HS6ST3: variants seen among roughly 807,000 people sequenced by gnomAD.
The protein encoded by HS6ST3 is heparan sulfate 6-O-sulfotransferase 3, also known as heparan-sulfate 6-O-sulfotransferase 3.
In HS6ST3, 12 loss-of-function variants were observed where a neutral mutation model predicts 36.7. The ratio of observed to expected loss-of-function variants is 0.33; its 90% confidence interval spans 0.21 to 0.53. The LOEUF (loss-of-function observed/expected upper bound fraction) is 0.53, where lower values mean the gene tolerates loss of function less well. Ranked by LOEUF, HS6ST3 falls within the 20% of genes least tolerant of loss-of-function variation. HS6ST3 has a pLI of 0.95. For synonymous variants in HS6ST3, 240 were observed against 257.5 expected, an observed-to-expected ratio of 0.93 and a Z score of 0.65; for missense variants, 584 against 640.9, an observed-to-expected ratio of 0.91 and a Z score of 0.96.
intron 1 of HS6ST3, among the ~76,000 whole-genome samples, chr13:96,444,621 A>C (rs892571383): frequency 8.5e-5 from 13 of 152,196 alleles, no homozygotes; most frequent in Non-Finnish European, 1.9e-4. Flanking sequence ...ATTTTATGCT[A>C]TGCTTTCTGG....
rs1878893969 is a variant in HS6ST3 at position 96,835,127 on chromosome 13, A to G, written c.*1929A>G. The G allele has an allele frequency of 1.3e-5, 2 of 152,220 alleles. No individual in the cohort carries two copies. The highest frequency in any genetic ancestry group is 4.8e-5 in the African/African-American group (2 of 41,452). The allele number at this position is 152,220 out of a possible 1,614,324, so 9.4% of individuals were successfully genotyped here. On this transcript the variant is annotated 3_prime_UTR_variant, in exon 2 of 2. Coordinates refer to ENST00000376705, the MANE Select transcript of HS6ST3 (RefSeq NM_153456.4). ...TTCTCTTTACTCCGTCACCATATCCATATGGAATAAGGGCTCGTCCTACCT... is the reference window on the plus strand; with the variant it reads ...TTCTCTTTACTCCGTCACCATATCCGTATGGAATAAGGGCTCGTCCTACCT...
At chr13:96,360,352 G>T (rs548024954) in intron 1 of HS6ST3, among the ~76,000 whole-genome samples, 4 of 152,198 alleles carry the variant, frequency 2.6e-5, no homozygotes, top group Non-Finnish European at 5.9e-5. Flanking sequence ...GTGCTCCATT[G>T]TTGGGGTACA....
chr13:96,827,757 T>G (rs1183791653), intron 1 of HS6ST3, among the ~76,000 whole-genome samples: 1 of 152,174 alleles, frequency 6.6e-6, no homozygotes, highest in Non-Finnish European at 1.5e-5. Context: ...TTAAACTGAA[T>G]AAAGTTAAAT....
At chr13:96,238,117 C>G (rs2054543102) in intron 1 of HS6ST3, among the ~76,000 whole-genome samples, 1 of 152,208 alleles carries the variant, frequency 6.6e-6, no homozygotes, top group Non-Finnish European at 1.5e-5. Context: ...TCTTCCTTAT[C>G]TCAGTAAAGA....
chr13:96,227,266 A>C (rs1360006315), intron 1 of HS6ST3, among the ~76,000 whole-genome samples: 1 of 152,204 alleles, frequency 6.6e-6, no homozygotes, highest in Non-Finnish European at 1.5e-5. Flanking sequence ...GCACTTGTTG[A>C]GAGCCATGCT....
intron 1 of HS6ST3, among the ~76,000 whole-genome samples, chr13:96,208,472 A>G (rs2054382987): frequency 1.3e-5 from 2 of 152,182 alleles, no homozygotes; most frequent in Non-Finnish European, 2.9e-5. Flanking sequence ...CCAGAAATGT[A>G]AATTTAGTAT....
chr13:96,570,847 TG>T (rs1430785510), intron 1 of HS6ST3, among the ~76,000 whole-genome samples: 3 of 152,332 alleles, frequency 2.0e-5, no homozygotes, highest in African/African-American at 7.2e-5. Flanking sequence ...AGTAATGGTT[TG>T]ACCAAAGTAC....
intron 1 of HS6ST3, among the ~76,000 whole-genome samples, chr13:96,317,157 A>G (rs964451915): frequency 2.0e-5 from 3 of 150,636 alleles, no homozygotes; most frequent in Non-Finnish European, 4.4e-5. Context: ...TATTATTCCT[A>G]TGTTTATGTC....
chr13:96,733,714 A>T (rs1055677390), intron 1 of HS6ST3, among the ~76,000 whole-genome samples: 1 of 152,204 alleles, frequency 6.6e-6, no homozygotes, highest in Non-Finnish European at 1.5e-5. Flanking sequence ...AATGTCATAG[A>T]TAATGTAATG....
chr13:96,790,270 T>TACACACACACACAC (rs56867063), intron 1 of HS6ST3, among the ~76,000 whole-genome samples: 2 of 144,440 alleles, frequency 1.4e-5, no homozygotes, highest in South Asian at 4.5e-4. Context: ...AACACACATG[T>TACACACACACACAC]ACACACACAC....
intron 1 of HS6ST3, among the ~76,000 whole-genome samples, chr13:96,776,747 A>C (rs183627797): frequency 6.6e-6 from 1 of 152,312 alleles, no homozygotes; most frequent in African/African-American, 2.4e-5. Context: ...TTCACAGCCA[A>C]ATTCTACCAG....
chr13:96,409,392 T>C (rs1381859303), intron 1 of HS6ST3, among the ~76,000 whole-genome samples: 2 of 152,240 alleles, frequency 1.3e-5, no homozygotes, highest in Non-Finnish European at 2.9e-5. Flanking sequence ...TTCTGTATAA[T>C]GCTGCTATTT....
intron 1 of HS6ST3, among the ~76,000 whole-genome samples, chr13:96,508,983 G>A (rs3900019): frequency 0.052 from 7,851 of 152,094 alleles, 251 homozygotes; most frequent in Middle Eastern, 0.075. Flanking sequence ...GAATATATGC[G>A]TTCCCTTCTC....
chr13:96,758,444 T>C (rs775436466), intron 1 of HS6ST3, among the ~76,000 whole-genome samples: 1 of 151,924 alleles, frequency 6.6e-6, no homozygotes, highest in African/African-American at 2.4e-5. Context: ...TATTTTTTCC[T>C]TCTTCTTTCA....
At chr13:96,153,021 T>C (rs1004637985) in intron 1 of HS6ST3, among the ~76,000 whole-genome samples, 1 of 152,188 alleles carries the variant, frequency 6.6e-6, no homozygotes. Flanking sequence ...CACTCTTCAG[T>C]AGCACCTGAA....
Position 96,813,318 on chromosome 13 carries a change from T to C in HS6ST3, c.708-19172T>C, listed in dbSNP as rs370835189. On this transcript the variant is annotated intron_variant, in intron 1 of 1. Transcript: ENST00000376705. ...CCCACAAAATGTTACTTGGACTGAA[T>C]GGAAGGGTATCAAAGGGCCTCAACA... Among the ~76,000 whole-genome samples, 92 of 152,290 alleles carry C rather than the reference T, an allele frequency of 6.0e-4. 2 individuals carry two copies. The South Asian group carries it at 0.019, about 31-fold the overall frequency.
At chr13:96,322,896 G>A (rs1291131874) in intron 1 of HS6ST3, among the ~76,000 whole-genome samples, 1 of 152,196 alleles carries the variant, frequency 6.6e-6, no homozygotes, top group Admixed American at 6.5e-5. Flanking sequence ...CACAATATCA[G>A]TTCCTTCATT....
chr13:96,287,716 A>C (rs974986345), intron 1 of HS6ST3, among the ~76,000 whole-genome samples: 7 of 152,192 alleles, frequency 4.6e-5, no homozygotes, highest in African/African-American at 1.4e-4. Flanking sequence ...GGAAATAGCT[A>C]ATAAGCATTG....
At chr13:96,668,836 T>C (rs1419871949) in intron 1 of HS6ST3, among the ~76,000 whole-genome samples, 1 of 150,906 alleles carries the variant, frequency 6.6e-6, no homozygotes, top group African/African-American at 2.4e-5. Flanking sequence ...CACATTAGTC[T>C]TACATTTACC....
Sources: allele counts gnomAD v4.1 joint callset (sites outside exome capture counted in the v4.1 genomes callset), GRCh38; gene constraint gnomAD v4.1.1; transcripts MANE v1.5; gene names NCBI Gene and HGNC (gene_info 2026-07-23, HGNC 2026-07-21).